AMPH: variants seen among roughly 807,000 people sequenced by gnomAD.
AMPH encodes amphiphysin, also known as amphiphysin (Stiff-Mann syndrome with breast cancer 128kD autoantigen).
Under a neutral mutation model 99.1 loss-of-function variants are expected in AMPH, and 49 were observed. That is an observed-to-expected ratio of 0.49 (90% CI 0.39 to 0.63). The LOEUF (loss-of-function observed/expected upper bound fraction) is 0.63. Ranked by LOEUF, AMPH falls within the 20% of genes least tolerant of loss-of-function variation. The pLI, the probability that AMPH is intolerant of heterozygous loss-of-function variation, is 0.00. For synonymous variants in AMPH, 314 were observed against 317.3 expected (o/e 0.99, Z 0.11); for missense variants, 759 against 863.4 (o/e 0.88, Z 1.52).
At chr7:38,431,218 T>C (rs747203098) in intron 13 of AMPH, among the ~76,000 whole-genome samples, 2 of 152,196 alleles carry the variant, frequency 1.3e-5, no homozygotes, top group African/African-American at 2.4e-5. Context: ...AAAACATCAG[T>C]AATAACATCT....
At chr7:38,533,517 T>C (rs1263468236) in intron 2 of AMPH, among the ~76,000 whole-genome samples, 1 of 152,152 alleles carries the variant, frequency 6.6e-6, no homozygotes, top group Non-Finnish European at 1.5e-5. Flanking sequence ...TGCTGAAATG[T>C]ATAATCCCTC....
At chr7:38,561,920 G>T (rs1320501248) in intron 1 of AMPH, among the ~76,000 whole-genome samples, 1 of 140,182 alleles carries the variant, frequency 7.1e-6, no homozygotes, top group African/African-American at 2.6e-5. Context: ...TCTTGGACTT[G>T]TAAGAAAAAA....
chr7:38,601,834 A>G (rs530284504), intron 1 of AMPH, among the ~76,000 whole-genome samples: 1 of 152,260 alleles, frequency 6.6e-6, no homozygotes, highest in South Asian at 2.1e-4. Flanking sequence ...AAGCAAACAT[A>G]ATTTATATAA....
At chr7:38,610,234 CAAAAAAAAAA>C (rs544036143) in intron 1 of AMPH, among the ~76,000 whole-genome samples, 2 of 6,128 alleles carry the variant, frequency 3.3e-4, no homozygotes, top group African/African-American at 7.7e-4. Flanking sequence ...TAAGCTCTCT[CAAAAAAAAAA>C]AAAAAAAAAA....
intron 11 of AMPH, among the ~76,000 whole-genome samples, chr7:38,459,376 C>A (rs1787355068): frequency 6.6e-6 from 1 of 151,926 alleles, no homozygotes; most frequent in Non-Finnish European, 1.5e-5. Context: ...AAAAAAAGAG[C>A]CAAAATAGCC....
At chr7:38,503,456 C>A (rs534678453) in intron 3 of AMPH, among the ~76,000 whole-genome samples, 194 bp downstream of exon 3, 1 of 129,354 alleles carries the variant, frequency 7.7e-6, no homozygotes, top group African/African-American at 2.8e-5. Context: ...ATATTTTTTC[C>A]TTATATATTC....
intron 2 of AMPH, among the ~76,000 whole-genome samples, chr7:38,523,300 T>C (rs975945902): frequency 7.3e-5 from 11 of 151,710 alleles, no homozygotes; most frequent in Non-Finnish European, 1.3e-4. Context: ...AGAAGTATGA[T>C]ACCCTAGAAA....
chr7:38,627,310 G>A (rs1210974380), intron 1 of AMPH, among the ~76,000 whole-genome samples: 1 of 149,480 alleles, frequency 6.7e-6, no homozygotes, highest in Admixed American at 6.8e-5. Context: ...TTGGGAGGCT[G>A]AGGCGGGCAG....
chr7:38,454,589 G>A (rs371288223), intron 11 of AMPH, among the ~76,000 whole-genome samples: 5 of 150,798 alleles, frequency 3.3e-5, no homozygotes, highest in East Asian at 3.9e-4. Context: ...AAGTAGCTGC[G>A]GTGGGATATG....
intron 1 of AMPH, among the ~76,000 whole-genome samples, chr7:38,538,191 C>T (rs1201731573): frequency 2.6e-5 from 4 of 152,212 alleles, no homozygotes; most frequent in African/African-American, 7.2e-5. Flanking sequence ...ACTTACTCAT[C>T]AAACAGGTAA....
chr7:38,393,790 A>C (rs1784586778), intron 18 of AMPH, among the ~76,000 whole-genome samples: 1 of 152,214 alleles, frequency 6.6e-6, no homozygotes, highest in African/African-American at 2.4e-5. Flanking sequence ...AGTCAGCCAC[A>C]GGCCCTGAGG....
At chr7:38,470,932 A>T (rs1787859259) in intron 7 of AMPH, among the ~76,000 whole-genome samples, 1 of 151,930 alleles carries the variant, frequency 6.6e-6, no homozygotes, top group Non-Finnish European at 1.5e-5. Flanking sequence ...GTTTTTTAAA[A>T]TTTTTTCTGC....
chr7:38,425,586 G>A (rs1179102622), intron 15 of AMPH, among the ~76,000 whole-genome samples: 1 of 152,144 alleles, frequency 6.6e-6, no homozygotes, highest in Admixed American at 6.5e-5. Flanking sequence ...ACCACAGATT[G>A]CCTGGATGGC....
chr7:38,514,989 G>A (rs759311104), intron 2 of AMPH, among the ~76,000 whole-genome samples: 7 of 152,152 alleles, frequency 4.6e-5, no homozygotes, highest in Non-Finnish European at 7.4e-5. Context: ...GGTGATTCTC[G>A]TGAGGGCTCA....
At chr7:38,631,259 C>T in intron 1 of AMPH, 24 bp downstream of exon 1, 1 of 1,512,626 alleles carries the variant, frequency 6.6e-7, no homozygotes, top group African/African-American at 1.5e-5. Context: ...TCCCCGGCCC[C>T]AGCCCCGGCC....
intron 1 of AMPH, among the ~76,000 whole-genome samples, chr7:38,577,252 G>A (rs1270594398): frequency 6.6e-6 from 1 of 152,144 alleles, no homozygotes; most frequent in African/African-American, 2.4e-5. Flanking sequence ...CTGTGGCCAG[G>A]TCTCCAAACT....
intron 1 of AMPH, among the ~76,000 whole-genome samples, chr7:38,566,332 C>G (rs1210131520): frequency 6.6e-6 from 1 of 151,662 alleles, no homozygotes; most frequent in Non-Finnish European, 1.5e-5. Context: ...TTGAGACAAT[C>G]TCTCTGTGTT....
intron 1 of AMPH, among the ~76,000 whole-genome samples, chr7:38,562,330 G>A (rs1293113950): frequency 1.3e-5 from 2 of 152,294 alleles, no homozygotes; most frequent in East Asian, 3.9e-4. Context: ...GACAGGGAGA[G>A]GCCATGCTAA....
At chr7:38,421,567 C>T (rs1430959747) in intron 16 of AMPH, among the ~76,000 whole-genome samples, 1 of 152,216 alleles carries the variant, frequency 6.6e-6, no homozygotes, top group Non-Finnish European at 1.5e-5. Context: ...TCAAACCAGC[C>T]TTGAAGACAA....
Sources: gnomAD v4.1 joint callset for allele counts (sites outside exome capture counted in the v4.1 genomes callset) on GRCh38, gnomAD v4.1.1 for gene constraint, MANE v1.5 for transcripts, NCBI Gene and HGNC (gene_info 2026-07-23, HGNC 2026-07-21) for gene names.